DDI2: variants seen among roughly 807,000 people sequenced by gnomAD.
DDI2 encodes protein DDI1 homolog 2.
DDI2 carries 5 observed loss-of-function variants against 48.1 expected under a neutral mutation model. The observed-to-expected ratio is 0.10, with a 90% CI of 0.05 to 0.22. DDI2 has a LOEUF of 0.22. Among genes scored for constraint, DDI2 ranks in the 10% least tolerant of loss-of-function variants. The pLI is 1.00. For missense variants in DDI2, 285 were observed against 506.2 expected, an observed-to-expected ratio of 0.56 and a Z score of 4.19; for synonymous variants, 205 against 183.6, an observed-to-expected ratio of 1.12 and a Z score of -0.94.
chr1:15,630,843 GTTTC>G (rs987268396), intron 3 of DDI2, among the ~76,000 whole-genome samples: 1 of 152,026 alleles, frequency 6.6e-6, no homozygotes, highest in Non-Finnish European at 1.5e-5. Context: ...ATTTTTGTTT[GTTTC>G]TTTGTTTTTT....
intron 4 of DDI2, chr1:15,633,944 G>T: frequency 5.0e-6 from 2 of 401,224 alleles, no homozygotes; most frequent in East Asian, 1.4e-4. Flanking sequence ...TAGACATATT[G>T]TATAAGTCCT....
At chr1:15,645,836 C>T (rs1241211016) in intron 6 of DDI2, among the ~76,000 whole-genome samples, 1 of 147,856 alleles carries the variant, frequency 6.8e-6, no homozygotes, top group African/African-American at 2.5e-5. Context: ...TACTACTGTA[C>T]TCCAGCTTGG....
Position 15,661,923 on chromosome 1 carries a change from A to G in DDI2, c.*2133A>G. ...TTTGTCTGATGAATTTGTCTATCCTACTTGTTAAAATTTAGGCCTTTTTAA... is the reference window on the plus strand; with the variant it reads ...TTTGTCTGATGAATTTGTCTATCCTGCTTGTTAAAATTTAGGCCTTTTTAA... On this transcript the variant is annotated 3_prime_UTR_variant, in exon 10 of 10. Coordinates refer to ENST00000480945, the MANE Select transcript of DDI2 (RefSeq NM_032341.5). 1 of 751,758 alleles carries G rather than the reference A, an allele frequency of 1.3e-6. No homozygotes were observed. The highest frequency in any genetic ancestry group is 1.9e-6 in the Non-Finnish European group (1 of 519,244). The allele number at this position is 751,758 out of a possible 1,614,324, so 46.6% of individuals were successfully genotyped here.
intron 5 of DDI2, among the ~76,000 whole-genome samples, chr1:15,640,315 A>C (rs1028557283): frequency 6.6e-6 from 1 of 152,166 alleles, no homozygotes; most frequent in Non-Finnish European, 1.5e-5. Flanking sequence ...GAATATCTCT[A>C]TGTACTTTGT....
At chr1:15,634,136 G>C in intron 4 of DDI2, 1 of 178,576 alleles carries the variant, frequency 5.6e-6, no homozygotes, top group Admixed American at 5.8e-5. Context: ...TGGGGCTATA[G>C]TAAAATCACA....
In DDI2 at chr1:15,667,853, T is replaced by C. The variant is rs1248717549; in HGVS notation, c.*8063T>C. The C allele has an allele frequency of 6.6e-6, 1 of 152,210 alleles. No individual in the cohort carries two copies. Among genetic ancestry groups the C allele is most frequent in the Non-Finnish European group, 1.5e-5 (1 of 68,044 alleles). 9.4% of individuals were successfully genotyped at this position (152,210 alleles called of 1,614,324 possible). Reference sequence around the variant, plus strand: ...TTGGTAATCTAGACCCTCTGGAGGCTGTAGAATGTGAAAAGATACAGCTGA... The same window carrying C: ...TTGGTAATCTAGACCCTCTGGAGGCCGTAGAATGTGAAAAGATACAGCTGA... On this transcript the variant is annotated 3_prime_UTR_variant, in exon 10 of 10. Transcript: ENST00000480945.
intron 5 of DDI2, among the ~76,000 whole-genome samples, chr1:15,640,844 G>A (rs1008424334): frequency 2.0e-5 from 3 of 152,072 alleles, no homozygotes; most frequent in African/African-American, 7.2e-5. Flanking sequence ...AGGAAGTGTT[G>A]GAATTGAGTG....
chr1:15,623,387 C>CTTTTTTTTT (rs777821777), intron 1 of DDI2, among the ~76,000 whole-genome samples: 1 of 107,490 alleles, frequency 9.3e-6, no homozygotes, highest in Non-Finnish European at 1.8e-5. Context: ...TTTTCTTCTT[C>CTTTTTTTTT]TTTTTTTTTT....
At chr1:15,657,772 TAAAAC>T (rs150048071) in intron 9 of DDI2, among the ~76,000 whole-genome samples, 312 of 152,312 alleles carry the variant, frequency 2.0e-3, no homozygotes, top group African/African-American at 7.1e-3. Flanking sequence ...TAGTTTTAAA[TAAAAC>T]TAATAACTGT....
chr1:15,638,243 T>C (rs1305764516), intron 4 of DDI2, 64 bp from the exon 5 acceptor site: 1 of 1,605,532 alleles, frequency 6.2e-7, no homozygotes, highest in Non-Finnish European at 8.5e-7. Flanking sequence ...ATATTGTGAC[T>C]TTGAAACTGA....
At chr1:15,631,703 C>T (rs1410909128) in intron 3 of DDI2, among the ~76,000 whole-genome samples, 3 of 152,118 alleles carry the variant, frequency 2.0e-5, no homozygotes, top group Non-Finnish European at 2.9e-5. Context: ...AATCTCCTCT[C>T]CTTATAGGTT....
intron 6 of DDI2, among the ~76,000 whole-genome samples, chr1:15,647,313 A>G (rs944010421): frequency 6.6e-6 from 1 of 151,534 alleles, no homozygotes; most frequent in Non-Finnish European, 1.5e-5. Context: ...ACACCCGGGT[A>G]ATTTTTGGAT....
At position 15,617,756 on chromosome 1, in the gene DDI2, A is replaced by G. The variant is rs1301687624; in HGVS notation, c.86A>G (p.Asn29Ser). 1.7e-5 allele frequency: 28 copies of G among 1,609,934 alleles called. No homozygotes were observed. The highest frequency in any genetic ancestry group is 2.2e-5 in the Non-Finnish European group (26 of 1,178,878). Residue 29 changes from asparagine to serine, a missense_variant, in exon 1 of 10, where the codon AAC becomes AGC. This residue lies in a region of DDI2 where 149 missense variants were observed against 236.5 expected (regional missense o/e 0.63). Transcript: ENST00000480945. ...LQVDADFELH[N>S]FRALCELESG... is the part of the protein sequence containing the mutation. Reference sequence around the variant, plus strand: ...GTCGACGCCGACTTCGAGCTGCACAACTTCCGCGCGCTGTGCGAGCTCGAG... The same window carrying G: ...GTCGACGCCGACTTCGAGCTGCACAGCTTCCGCGCGCTGTGCGAGCTCGAG...
chr1:15,654,167 A>G (rs956794919), intron 8 of DDI2, among the ~76,000 whole-genome samples: 4 of 152,338 alleles, frequency 2.6e-5, no homozygotes, highest in South Asian at 2.1e-4. Flanking sequence ...AGTTCAGGGA[A>G]TAGCTTTATC....
rs1368168920 is a variant in DDI2, at chr1:15,660,966, C to T, written c.*1176C>T. Reference sequence around the variant, plus strand: ...AACTTCATGAACTTTTGGTTGTTAGCAGTAAACCAGCTTCAGAAAATACAT... The same window carrying T: ...AACTTCATGAACTTTTGGTTGTTAGTAGTAAACCAGCTTCAGAAAATACAT... On this transcript the variant is annotated 3_prime_UTR_variant, in exon 10 of 10. Transcript: ENST00000480945. 1 of 1,613,590 alleles carries T rather than the reference C, an allele frequency of 6.2e-7. No homozygotes were observed. The highest frequency in any genetic ancestry group is 2.2e-5 in the East Asian group (1 of 44,874).
At chr1:15,656,445 T>G (rs945356764) in intron 8 of DDI2, 172 bp from the exon 9 acceptor site, 5 of 1,492,132 alleles carry the variant, frequency 3.4e-6, no homozygotes, top group Middle Eastern at 1.8e-4. Context: ...TGTGAGAGAA[T>G]GGAAGCAACC....
Position 15,630,310 on chromosome 1 carries a change from G to T in DDI2, c.269-15G>T. 2 of 1,612,564 alleles carry T rather than the reference G, an allele frequency of 1.2e-6. No homozygotes were observed. Among genetic ancestry groups the T allele is most frequent in the South Asian group, 2.2e-5 (2 of 90,942 alleles). ...TAGAGTAATTTGAGTAAACTGAATT[G>T]ATTTTCCCCAACAGACTTACCCCGA... On this transcript the variant is annotated splice_polypyrimidine_tract_variant and intron_variant, in intron 2 of 9. Coordinates refer to ENST00000480945, the MANE Select transcript of DDI2 (RefSeq NM_032341.5).
intron 8 of DDI2, 87 bp from the exon 9 acceptor site, chr1:15,656,530 G>A: frequency 6.2e-7 from 1 of 1,610,306 alleles, no homozygotes; most frequent in Non-Finnish European, 8.5e-7. Context: ...TTTTAAAGAT[G>A]GCAAAAGAAC....
Position 15,626,879 on chromosome 1 carries a change from GCTTTGGATTCA to G in DDI2, c.268+82_268+92del, listed in dbSNP as rs1259980388. ...CATAGCACCTCAGAGTTTTGGATTC[GCTTTGGATTCA>G]GACTACAGAATACAGATCCTGACTC... On this transcript the variant is annotated intron_variant, in intron 2 of 9. Transcript: ENST00000480945. 3 of 1,559,254 alleles carry G rather than the reference GCTTTGGATTCA, an allele frequency of 1.9e-6. No individual in the cohort carries two copies. The African/African-American group carries it at 4.1e-5, about 21-fold the overall frequency.
Sources: allele counts gnomAD v4.1 joint callset (sites outside exome capture counted in the v4.1 genomes callset), GRCh38; gene constraint gnomAD v4.1.1; regional missense constraint gnomAD v4.1.1; transcripts MANE v1.5; gene names NCBI Gene and HGNC (gene_info 2026-07-23, HGNC 2026-07-21).